HDGFL2: variants seen among roughly 807,000 people sequenced by gnomAD.
The protein encoded by HDGFL2 is hepatoma-derived growth factor-related protein 2.
HDGFL2 carries 36 observed loss-of-function variants against 77.1 expected under a neutral mutation model. The observed-to-expected ratio is 0.47, with a 90% CI of 0.36 to 0.62. The LOEUF (loss-of-function observed/expected upper bound fraction) is 0.62. HDGFL2 is among the 20% of genes least tolerant of loss of function. HDGFL2 has a pLI of 0.00. For synonymous variants in HDGFL2, 463 were observed against 413.1 expected, an observed-to-expected ratio of 1.12 and a Z score of -1.46; for missense variants, 976 against 973.4, an observed-to-expected ratio of 1.00 and a Z score of -0.04.
chr19:4,500,842 A>G (rs966442655), intron 14 of HDGFL2, among the ~76,000 whole-genome samples: 1 of 152,078 alleles, frequency 6.6e-6, no homozygotes, highest in African/African-American at 2.4e-5. Context: ...CCTGGGCTCA[A>G]GTGAGCCTCA....
intron 14 of HDGFL2, 120 bp downstream of exon 14, chr19:4,499,824 G>A: frequency 2.4e-6 from 2 of 836,298 alleles, no homozygotes; most frequent in South Asian, 3.6e-5. Context: ...CTGCCAGAGT[G>A]TCATGTCCTG....
intron 4 of HDGFL2, among the ~76,000 whole-genome samples, chr19:4,491,283 C>CA (rs1568211797): frequency 1.2e-4 from 16 of 128,392 alleles, no homozygotes; most frequent in African/African-American, 4.6e-4. Context: ...CCCCACCCCC[C>CA]CCGGCGCAGC....
chr19:4,491,799 G>T lies in HDGFL2; in HGVS notation c.642G>T (p.Ala214=). The T allele has an allele frequency of 6.2e-7, 1 of 1,614,004 alleles. No homozygotes were observed. The highest frequency in any genetic ancestry group is 8.5e-7 in the Non-Finnish European group (1 of 1,180,002). Residue 214 remains alanine, a synonymous_variant, in exon 6 of 16, where the codon GCG becomes GCT. Coordinates refer to ENST00000616600, the MANE Select transcript of HDGFL2 (RefSeq NM_001001520.3). The part of the protein sequence containing the change: ...FTPEKKAAVR[A]PRRGPLGGRK... ...CTGAGAAGAAAGCAGCGGTCCGGGC[G>T]CCACGGAGGGGCCCTCTGGGGGGAC...
At position 4,498,385 on chromosome 19, in the gene HDGFL2, C is replaced by T. The variant is rs754382725; in HGVS notation, c.1473+9C>T. On this transcript the variant is annotated intron_variant, in intron 12 of 15. Transcript: ENST00000616600. ...TAAAGGTCGACAGCCCGGTAAGACC[C>T]TCAGGGCCTGTGAGCCAAGCAGTCC... 18 of 1,609,432 alleles carry T rather than the reference C, an allele frequency of 1.1e-5. No homozygotes were observed. The highest frequency in any genetic ancestry group is 2.2e-5 in the East Asian group (1 of 44,852).
chr19:4,489,072 G>A (rs1975439795), intron 4 of HDGFL2, among the ~76,000 whole-genome samples, 196 bp downstream of exon 4: 1 of 150,282 alleles, frequency 6.7e-6, no homozygotes, highest in African/African-American at 2.5e-5. Flanking sequence ...TTCTGCCTCA[G>A]CCTCCCTAGT....
intron 1 of HDGFL2, 54 bp downstream of exon 1, chr19:4,472,476 GC>G: frequency 1.0e-6 from 1 of 996,920 alleles, no homozygotes; most frequent in South Asian, 2.6e-5. Flanking sequence ...GGCAGCGGGG[GC>G]CCCGGGCCGG....
chr19:4,494,068 G>T lies in HDGFL2; in HGVS notation c.914+11G>T, dbSNP rs1318597867. 1 of 1,594,424 alleles carries T rather than the reference G, an allele frequency of 6.3e-7. No individual in the cohort carries two copies. Among genetic ancestry groups the T allele is most frequent in the Non-Finnish European group, 8.5e-7 (1 of 1,171,048 alleles). ...CTCCAGCAGTGACAGGTGGGTGCTG[G>T]GGCTGGGGTCCCCTCTGGCGGCTCC... is the stretch of plus-strand genomic sequence containing the variant. On this transcript the variant is annotated intron_variant, in intron 8 of 15. Transcript: ENST00000616600.
At chr19:4,474,469 C>T (rs1975020324) in intron 1 of HDGFL2, among the ~76,000 whole-genome samples, 1 of 152,030 alleles carries the variant, frequency 6.6e-6, no homozygotes, top group African/African-American at 2.4e-5. Flanking sequence ...CTGAGGAGAC[C>T]CAAGCGAGAA....
In HDGFL2 at chr19:4,488,684, C is replaced by T; in HGVS notation, c.297C>T (p.Ser99=). ...HASYSAPPPV[S]SSDSEAPEAN... ...TGCCCCGACTCCCACAGCCAGTGAG[C>T]TCCTCCGACAGCGAGGCCCCCGAGG... Residue 99 remains serine (S), a synonymous_variant, in exon 4 of 16, where the codon AGC becomes AGT. Transcript: ENST00000616600. 1.9e-6 allele frequency: 3 copies of T among 1,544,002 alleles called. No homozygotes were observed. The highest frequency in any genetic ancestry group is 2.4e-5 in the East Asian group (1 of 41,034).
At chr19:4,474,391 G>C (rs1267118841) in intron 1 of HDGFL2, among the ~76,000 whole-genome samples, 1 of 152,142 alleles carries the variant, frequency 6.6e-6, no homozygotes, top group Non-Finnish European at 1.5e-5. Flanking sequence ...TGCTTCTGGC[G>C]GGAGAGGGAT....
In HDGFL2 at chr19:4,502,014, G is replaced by A. The variant is rs746601568; in HGVS notation, c.*4G>A. 53 of 1,518,358 alleles carry A rather than the reference G, an allele frequency of 3.5e-5. No homozygotes were observed. In the Admixed American group the frequency reaches 5.7e-4, roughly 16 times the overall value. 94.1% of individuals were successfully genotyped at this position (1,518,358 alleles called of 1,614,324 possible). ...GGCCCTGGACGAGGAGAGCTGAGCC[G>A]CGGGCAGCCAGGCCCAGCCCCCGCC... On this transcript the variant is annotated 3_prime_UTR_variant, in exon 16 of 16. Coordinates refer to ENST00000616600, the MANE Select transcript of HDGFL2 (RefSeq NM_001001520.3).
At chr19:4,498,744 C>A in intron 12 of HDGFL2, 70 bp from the exon 13 acceptor site, 1 of 1,004,960 alleles carries the variant, frequency 1.0e-6, no homozygotes, top group Non-Finnish European at 1.5e-6. Flanking sequence ...TTCCTCCACC[C>A]ATCGGGGCCC....
intron 10 of HDGFL2, chr19:4,496,802 A>G: frequency 1.1e-5 from 4 of 367,682 alleles, no homozygotes; most frequent in South Asian, 8.3e-5. Context: ...GAGAAACTGC[A>G]CCCCGGCCTA....
intron 6 of HDGFL2, 80 bp downstream of exon 6, chr19:4,491,915 C>T (rs552387143): frequency 9.1e-5 from 119 of 1,305,516 alleles, no homozygotes; most frequent in African/African-American, 8.0e-4. Flanking sequence ...CAGGGCAGGG[C>T]GGGCCATTTC....
At chr19:4,489,966 G>A (rs1975464051) in intron 4 of HDGFL2, among the ~76,000 whole-genome samples, 1 of 152,182 alleles carries the variant, frequency 6.6e-6, no homozygotes, top group Non-Finnish European at 1.5e-5. Flanking sequence ...GGAGGGGCCT[G>A]TCCTGGGCAT....
chr19:4,493,023 TATCTG>T (rs1393729074), intron 6 of HDGFL2, among the ~76,000 whole-genome samples: 3 of 136,172 alleles, frequency 2.2e-5, no homozygotes, highest in Admixed American at 7.3e-5. Flanking sequence ...GCGTGTGTGT[TATCTG>T]TGTGTGGTGT....
chr19:4,479,355 G>A (rs1021072735), intron 3 of HDGFL2, among the ~76,000 whole-genome samples: 2 of 151,586 alleles, frequency 1.3e-5, no homozygotes, highest in South Asian at 2.1e-4. Context: ...AGGCCGAGGC[G>A]GGCAGATCAC....
intron 6 of HDGFL2, 48 bp downstream of exon 6, chr19:4,491,883 C>T: frequency 6.6e-7 from 1 of 1,526,272 alleles, no homozygotes; most frequent in South Asian, 1.1e-5. Context: ...TGGGGCACCT[C>T]TGCGGTCTCC....
intron 9 of HDGFL2, among the ~76,000 whole-genome samples, chr19:4,495,527 G>A (rs895396804): frequency 3.3e-5 from 5 of 152,100 alleles, no homozygotes; most frequent in Admixed American, 2.0e-4. Context: ...TGGAGGAACA[G>A]CGAGGTGGCC....
Sources: allele counts gnomAD v4.1 joint callset (sites outside exome capture counted in the v4.1 genomes callset), GRCh38; gene constraint gnomAD v4.1.1; transcripts MANE v1.5; gene names NCBI Gene and HGNC (gene_info 2026-07-23, HGNC 2026-07-21).